ERBB4: variants seen among roughly 807,000 people sequenced by gnomAD.
The protein encoded by ERBB4 is receptor tyrosine-protein kinase erbB-4.
ERBB4 carries 42 observed loss-of-function variants against 158.0 expected under a neutral mutation model. The ratio of observed to expected loss-of-function variants is 0.27; its 90% CI spans 0.21 to 0.34. ERBB4 has a LOEUF of 0.34. Ranked by LOEUF, ERBB4 falls within the 10% of genes least tolerant of loss-of-function variation. ERBB4 has a pLI of 1.00. For synonymous variants in ERBB4, 583 were observed against 558.7 expected, an observed-to-expected ratio of 1.04 and a Z score of -0.61; for missense variants, 1,333 against 1,624.1, an observed-to-expected ratio of 0.82 and a Z score of 3.08.
At chr2:212,477,842 T>G (rs557165724) in intron 1 of ERBB4, among the ~76,000 whole-genome samples, 1 of 152,260 alleles carries the variant, frequency 6.6e-6, no homozygotes, top group Non-Finnish European at 1.5e-5. Flanking sequence ...TTATTCAATA[T>G]GTGGGCTCTG....
Position 211,386,860 on chromosome 2 carries a change from G to A in ERBB4, c.3474C>T (p.Pro1158=), listed in dbSNP as rs2062694806. 6.2e-7 allele frequency: 1 copy of A among 1,614,032 alleles called. No individual in the cohort carries two copies. Among genetic ancestry groups the A allele is most frequent in the African/African-American group, 1.3e-5 (1 of 75,036 alleles). The change falls in exon 27 of 28, where the codon CCC becomes CCT. Residue 1158 remains proline (P), a synonymous_variant. Coordinates refer to ENST00000342788, the MANE Select transcript of ERBB4 (RefSeq NM_005235.3). ...EGYMTPMRDK[P]KQEYLNPVEE... is the part of the protein sequence containing the mutation. ...TGAATAATCAGTTCATACCTTGTTT[G>A]GGTTTGTCTCGCATAGGAGTCATGT...
At chr2:211,764,840 C>T (rs1269771552) in intron 4 of ERBB4, among the ~76,000 whole-genome samples, 1 of 152,088 alleles carries the variant, frequency 6.6e-6, no homozygotes, top group Non-Finnish European at 1.5e-5. Flanking sequence ...AATACAAATG[C>T]TCAGAAAGTT....
intron 1 of ERBB4, among the ~76,000 whole-genome samples, chr2:212,175,569 T>C (rs2081639364): frequency 6.6e-6 from 1 of 151,520 alleles, no homozygotes. Flanking sequence ...TGTCTAATAC[T>C]ACCTCAACTA....
At chr2:212,004,262 G>C (rs572054362) in intron 2 of ERBB4, among the ~76,000 whole-genome samples, 4 of 152,216 alleles carry the variant, frequency 2.6e-5, no homozygotes, top group African/African-American at 9.6e-5. Flanking sequence ...GCAGTATTTT[G>C]AGACATCAAG....
intron 12 of ERBB4, among the ~76,000 whole-genome samples, chr2:211,680,722 C>G (rs576131154): frequency 2.0e-5 from 3 of 152,112 alleles, no homozygotes; most frequent in Non-Finnish European, 4.4e-5. Flanking sequence ...ATTAAAAAGG[C>G]CCCTATGGTA....
At chr2:211,742,258 C>T (rs1175807936) in intron 5 of ERBB4, among the ~76,000 whole-genome samples, 2 of 152,084 alleles carry the variant, frequency 1.3e-5, no homozygotes, top group African/African-American at 2.4e-5. Flanking sequence ...AACATTTGTT[C>T]CACAAAGAAT....
chr2:211,560,730 C>T (rs1441685551), intron 20 of ERBB4, among the ~76,000 whole-genome samples: 1 of 151,920 alleles, frequency 6.6e-6, no homozygotes, highest in East Asian at 1.9e-4. Context: ...CTCACAGTTG[C>T]AGTTATTACA....
At chr2:212,228,295 GGA>G (rs1476651447) in intron 1 of ERBB4, among the ~76,000 whole-genome samples, 4 of 152,106 alleles carry the variant, frequency 2.6e-5, no homozygotes, top group Admixed American at 2.6e-4. Flanking sequence ...AAATTTCTGT[GGA>G]GGTTTTCAAA....
chr2:212,421,756 G>A (rs770453881), intron 1 of ERBB4, among the ~76,000 whole-genome samples: 28 of 152,158 alleles, frequency 1.8e-4, no homozygotes, highest in Non-Finnish European at 3.2e-4. Context: ...AGGGTTCTCT[G>A]TTTGAAAACA....
intron 20 of ERBB4, among the ~76,000 whole-genome samples, chr2:211,522,289 G>C (rs2066208348): frequency 6.6e-6 from 1 of 152,088 alleles, no homozygotes; most frequent in South Asian, 2.1e-4. Flanking sequence ...GACTTTGAAG[G>C]GTTCAAGATT....
intron 13 of ERBB4, among the ~76,000 whole-genome samples, chr2:211,676,970 A>T (rs1035676482): frequency 6.6e-6 from 1 of 152,208 alleles, no homozygotes; most frequent in Non-Finnish European, 1.5e-5. Flanking sequence ...TCCAAATTAC[A>T]AGCCAAAGTT....
chr2:211,521,834 C>A (rs569351915), intron 20 of ERBB4, among the ~76,000 whole-genome samples: 24 of 152,240 alleles, frequency 1.6e-4, no homozygotes, highest in Middle Eastern at 6.8e-3. Flanking sequence ...AACGAAACAA[C>A]AAGGCCCAGA....
chr2:212,535,999 T>C (rs1693036585), intron 1 of ERBB4, among the ~76,000 whole-genome samples: 1 of 152,236 alleles, frequency 6.6e-6, no homozygotes, highest in Admixed American at 6.5e-5. Context: ...AGAAGCAGAT[T>C]GTCTTCCCTC....
At chr2:212,378,901 T>C (rs956027774) in intron 1 of ERBB4, among the ~76,000 whole-genome samples, 5 of 151,858 alleles carry the variant, frequency 3.3e-5, no homozygotes, top group African/African-American at 1.2e-4. Flanking sequence ...TGATTTTAGT[T>C]CCATTAAAAT....
chr2:211,422,863 G>A (rs902654398), intron 23 of ERBB4, among the ~76,000 whole-genome samples: 1 of 151,814 alleles, frequency 6.6e-6, no homozygotes, highest in African/African-American at 2.4e-5. Context: ...GCTAGTTACA[G>A]GATTAAATTA....
chr2:212,456,810 G>A (rs1196578869), intron 1 of ERBB4, among the ~76,000 whole-genome samples: 3 of 151,822 alleles, frequency 2.0e-5, no homozygotes, highest in Admixed American at 1.3e-4. Context: ...ATTATTGGTG[G>A]TGTGTTCAAC....
chr2:212,111,923 T>C (rs966866471), intron 2 of ERBB4, among the ~76,000 whole-genome samples: 1 of 152,172 alleles, frequency 6.6e-6, no homozygotes, highest in African/African-American at 2.4e-5. Flanking sequence ...CTGTCAACTA[T>C]TACAGATAGC....
At chr2:212,107,526 G>T (rs1338817805) in intron 2 of ERBB4, among the ~76,000 whole-genome samples, 1 of 152,172 alleles carries the variant, frequency 6.6e-6, no homozygotes, top group Non-Finnish European at 1.5e-5. Context: ...TGTCTCAGAT[G>T]AGACTTTGGA....
chr2:212,503,823 T>C (rs919747453), intron 1 of ERBB4, among the ~76,000 whole-genome samples: 2 of 152,194 alleles, frequency 1.3e-5, no homozygotes, highest in African/African-American at 4.8e-5. Flanking sequence ...TTGAAGGTCC[T>C]GTCTTTTGCC....
Sources: allele counts gnomAD v4.1 joint callset (sites outside exome capture counted in the v4.1 genomes callset), GRCh38; gene constraint gnomAD v4.1.1; transcripts MANE v1.5; gene names NCBI Gene and HGNC (gene_info 2026-07-23, HGNC 2026-07-21).